LRRC38: variants seen among roughly 807,000 people sequenced by gnomAD.
LRRC38 encodes leucine-rich repeat-containing protein 38.
Under a neutral mutation model 16.4 loss-of-function variants are expected in LRRC38, and 5 were observed. The ratio of observed to expected loss-of-function variants is 0.31; its 90% confidence interval spans 0.16 to 0.64. LRRC38 has a LOEUF of 0.64. LRRC38 is among the 30% of genes least tolerant of loss of function. The pLI, the probability that LRRC38 is intolerant of heterozygous loss-of-function variation, is 0.80. For missense variants in LRRC38, 341 were observed against 401.8 expected, an observed-to-expected ratio of 0.85 and a Z score of 1.29; for synonymous variants, 191 against 190.2, an observed-to-expected ratio of 1.00 and a Z score of -0.04.
At chr1:13,491,209 C>T (rs1245743621) in intron 1 of LRRC38, among the ~76,000 whole-genome samples, 7 of 152,200 alleles carry the variant, frequency 4.6e-5, no homozygotes, top group Admixed American at 1.3e-4. Flanking sequence ...TGCCATGGAA[C>T]GTCCCACACT....
chr1:13,507,781 G>A (rs1336222672), intron 1 of LRRC38, among the ~76,000 whole-genome samples: 4 of 152,038 alleles, frequency 2.6e-5, no homozygotes, highest in Admixed American at 2.0e-4. Flanking sequence ...GCAGTGAGTC[G>A]AGATCACACC....
At chr1:13,496,605 C>T (rs542190351) in intron 1 of LRRC38, among the ~76,000 whole-genome samples, 6 of 152,270 alleles carry the variant, frequency 3.9e-5, no homozygotes, top group African/African-American at 1.2e-4. Context: ...TTTTTCCTCC[C>T]TTTGCCTTGG....
At chr1:13,494,572 G>A (rs763514568) in intron 1 of LRRC38, among the ~76,000 whole-genome samples, 2 of 152,104 alleles carry the variant, frequency 1.3e-5, no homozygotes. Flanking sequence ...TCACACAGCT[G>A]GTAAATAAAG....
chr1:13,497,451 T>C (rs1357036417), intron 1 of LRRC38, among the ~76,000 whole-genome samples: 1 of 151,970 alleles, frequency 6.6e-6, no homozygotes, highest in Non-Finnish European at 1.5e-5. Context: ...GAGACTCTAG[T>C]TTCTGATGTG....
rs1407615905 is a variant in LRRC38 at position 13,487,898 on chromosome 1, A to AT, written c.632-11800dup. ...GTAAGCGCTTTTTGTCATTAAAAAT[A>AT]TTTTTTTGTTTTCTTATCTCCACAT... On this transcript the variant is annotated intron_variant, in intron 1 of 1. Coordinates refer to ENST00000376085, the MANE Select transcript of LRRC38 (RefSeq NM_001010847.2). This position sits in a 1 kb window ranked among gnomAD's most constrained non-coding sequence, Gnocchi z 4.4. Among the ~76,000 whole-genome samples the AT allele has an allele frequency of 3.3e-5, 5 of 152,050 alleles. No homozygotes were observed. The highest frequency in any genetic ancestry group is 1.2e-4 in the African/African-American group (5 of 41,374).
intron 1 of LRRC38, among the ~76,000 whole-genome samples, chr1:13,484,021 C>A (rs1638902281): frequency 6.6e-6 from 1 of 152,010 alleles, no homozygotes; most frequent in Admixed American, 6.6e-5. Context: ...TACTTCTAGT[C>A]ATTCCTCTGC....
intron 1 of LRRC38, among the ~76,000 whole-genome samples, chr1:13,490,826 C>T (rs1243971688): frequency 6.6e-6 from 1 of 152,090 alleles, no homozygotes; most frequent in Non-Finnish European, 1.5e-5. Flanking sequence ...TGGCTCCCTC[C>T]CAGGCCTGCC....
intron 1 of LRRC38, among the ~76,000 whole-genome samples, chr1:13,490,574 A>C: frequency 6.7e-6 from 1 of 149,294 alleles, no homozygotes; most frequent in East Asian, 2.0e-4. Flanking sequence ...CCACCTCCCC[A>C]TGTCCACCTC....
intron 1 of LRRC38, among the ~76,000 whole-genome samples, chr1:13,495,484 G>T (rs189310700): frequency 6.6e-6 from 1 of 152,182 alleles, no homozygotes; most frequent in East Asian, 1.9e-4. Context: ...ATGGTGGGGA[G>T]GGGGAGGGAG....
At chr1:13,502,094 ATT>A (rs58436602) in intron 1 of LRRC38, among the ~76,000 whole-genome samples, 42 of 133,846 alleles carry the variant, frequency 3.1e-4, no homozygotes, top group African/African-American at 5.3e-4. Flanking sequence ...CGCCCAGCCA[ATT>A]TTTTTTTTTT....
Position 13,513,335 on chromosome 1 carries a change from A to C in LRRC38, c.259T>G (p.Phe87Val), listed in dbSNP as rs576738467. 6.4e-7 allele frequency: 1 copy of C among 1,550,914 alleles called. No individual in the cohort carries two copies. Among genetic ancestry groups the C allele is most frequent in the Non-Finnish European group, 8.7e-7 (1 of 1,147,034 alleles). ...IFYGDLVYLD[F>V]RNNSLRSLEE... Reference sequence around the variant, plus strand: ...AGCGAGCGCAGCGAGTTGTTCCTGAAGTCCAGGTAGACCAGGTCGCCGTAG... The same window carrying C: ...AGCGAGCGCAGCGAGTTGTTCCTGACGTCCAGGTAGACCAGGTCGCCGTAG... Residue 87 changes from phenylalanine to valine, a missense_variant, in exon 1 of 2, where the codon TTC (phenylalanine) becomes GTC (valine). By Grantham distance (50) the Phe-to-Val change is conservative. Transcript: ENST00000376085.
chr1:13,488,032 T>TTG (rs71570140), intron 1 of LRRC38, among the ~76,000 whole-genome samples: 15,451 of 147,112 alleles, frequency 0.11, 877 homozygotes, highest in Non-Finnish European at 0.14. Flanking sequence ...TTGTGTGTGT[T>TTG]TGTGTGTGTG....
chr1:13,499,953 G>C (rs900780593), intron 1 of LRRC38, among the ~76,000 whole-genome samples: 3 of 152,092 alleles, frequency 2.0e-5, no homozygotes, highest in Non-Finnish European at 4.4e-5. Context: ...TCCTAAATAA[G>C]ATAGCTACAA....
chr1:13,498,730 GT>G (rs1639111663), intron 1 of LRRC38, among the ~76,000 whole-genome samples: 1 of 152,224 alleles, frequency 6.6e-6, no homozygotes, highest in South Asian at 2.1e-4. Flanking sequence ...CAAGTGAGCT[GT>G]TGGCATTATC....
At position 13,513,708 on chromosome 1, in the gene LRRC38, C is replaced by T; in HGVS notation, c.-115G>A. 3.2e-6 allele frequency: 2 copies of T among 625,300 alleles called. No homozygotes were observed. Among genetic ancestry groups the T allele is most frequent in the Non-Finnish European group, 4.0e-6 (2 of 500,408 alleles). The allele number at this position is 625,300 out of a possible 1,614,324, so 38.7% of individuals were successfully genotyped here. ...CGGGCGCGGGGAGCCAGAGGGCGGC[C>T]CGGGCGGGGAGGGCGTGCGCCCGGG... On this transcript the variant is annotated 5_prime_UTR_variant, in exon 1 of 2. Transcript: ENST00000376085.
intron 1 of LRRC38, among the ~76,000 whole-genome samples, chr1:13,484,517 C>G (rs986739064): frequency 2.0e-5 from 3 of 152,184 alleles, no homozygotes; most frequent in Non-Finnish European, 4.4e-5. Context: ...AAACCAGCTC[C>G]CCTATCAGAC....
At chr1:13,504,021 T>G (rs1639180547) in intron 1 of LRRC38, among the ~76,000 whole-genome samples, 1 of 152,272 alleles carries the variant, frequency 6.6e-6, no homozygotes, top group South Asian at 2.1e-4. Flanking sequence ...CTGCGTGGGT[T>G]GTCACACGTT....
At chr1:13,506,810 A>G (rs1284592083) in intron 1 of LRRC38, among the ~76,000 whole-genome samples, 1 of 152,226 alleles carries the variant, frequency 6.6e-6, no homozygotes, top group Non-Finnish European at 1.5e-5. Context: ...AGGCCGGCCA[A>G]GCACCTCATC....
chr1:13,483,797 C>T (rs1213590219), intron 1 of LRRC38, among the ~76,000 whole-genome samples: 3 of 152,082 alleles, frequency 2.0e-5, no homozygotes, highest in Non-Finnish European at 2.9e-5. Flanking sequence ...CGTACGTGCT[C>T]GAGAATCCCG....
Sources: allele counts gnomAD v4.1 joint callset (sites outside exome capture counted in the v4.1 genomes callset), GRCh38; gene constraint gnomAD v4.1.1; non-coding constraint Gnocchi (gnomAD v3.1); transcripts MANE v1.5; gene names NCBI Gene and HGNC (gene_info 2026-07-23, HGNC 2026-07-21).